KCNIP1: variants seen among roughly 807,000 people sequenced by gnomAD.
KCNIP1 encodes A-type potassium channel modulatory protein KCNIP1.
KCNIP1 carries 18 observed loss-of-function variants against 33.0 expected under a neutral mutation model. The observed-to-expected ratio is 0.55, with a 90% CI of 0.38 to 0.81. KCNIP1 has a LOEUF of 0.81. Ranked by LOEUF, KCNIP1 falls within the 30% of genes least tolerant of loss-of-function variation. The pLI is 0.00. For synonymous variants in KCNIP1, 93 were observed against 98.3 expected (o/e 0.95, Z 0.32); for missense variants, 238 against 271.6 (o/e 0.88, Z 0.87).
At chr5:170,640,020 C>T (rs1244446729) in intron 1 of KCNIP1, among the ~76,000 whole-genome samples, 2 of 152,216 alleles carry the variant, frequency 1.3e-5, no homozygotes, top group African/African-American at 4.8e-5. Flanking sequence ...CTTCATGGCC[C>T]AAGTGGAACC....
At chr5:170,386,338 G>A (rs370003312) in intron 1 of KCNIP1, among the ~76,000 whole-genome samples, 11 of 152,266 alleles carry the variant, frequency 7.2e-5, no homozygotes, top group African/African-American at 2.2e-4. Context: ...AAGCTGGCGG[G>A]GGCAAGGAAC....
At chr5:170,638,749 A>G (rs1190778615) in intron 1 of KCNIP1, among the ~76,000 whole-genome samples, 1 of 152,180 alleles carries the variant, frequency 6.6e-6, no homozygotes, top group Admixed American at 6.5e-5. Flanking sequence ...GTCTTCCTTC[A>G]GCTCCTAACA....
intron 1 of KCNIP1, among the ~76,000 whole-genome samples, chr5:170,600,986 C>G (rs753514560): frequency 3.5e-4 from 54 of 152,368 alleles, no homozygotes; most frequent in Non-Finnish European, 7.1e-4. Flanking sequence ...AATTCCAGCT[C>G]TCCCACTTAC....
chr5:170,722,514 C>CA (rs56741677), intron 4 of KCNIP1, among the ~76,000 whole-genome samples, 199 bp from the exon 5 acceptor site: 37,049 of 147,580 alleles, frequency 0.25, 5,735 homozygotes, highest in East Asian at 0.81. Flanking sequence ...GGGCACCTTG[C>CA]AAAAAAAAAC....
intron 1 of KCNIP1, among the ~76,000 whole-genome samples, chr5:170,668,884 C>A (rs1333744918): frequency 6.6e-6 from 1 of 152,206 alleles, no homozygotes; most frequent in African/African-American, 2.4e-5. Context: ...TTGCCACAAT[C>A]TCTGAAAGAA....
intron 1 of KCNIP1, among the ~76,000 whole-genome samples, chr5:170,367,069 A>G (rs960039220): frequency 5.9e-5 from 9 of 152,134 alleles, no homozygotes; most frequent in African/African-American, 2.2e-4. Flanking sequence ...CTGTAATCCC[A>G]ACACTTTGGG....
rs117260329 is a variant in KCNIP1, at chr5:170,402,696, G to A, written c.88+48732G>A. ...GACTAGTCATGTGGTCTGCCCAGCT[G>A]CAAGGGAGTCTGGGAAATGTAGCCC... On this transcript the variant is annotated intron_variant, in intron 1 of 7. Coordinates refer to the KCNIP1 transcript ENST00000377360. Among the ~76,000 whole-genome samples the A allele has an allele frequency of 3.0e-4, 46 of 152,312 alleles. No homozygotes were observed. In the East Asian group the frequency reaches 8.9e-3, roughly 29 times the overall value.
At chr5:170,403,763 C>T (rs931237116) in intron 1 of KCNIP1, among the ~76,000 whole-genome samples, 4 of 152,218 alleles carry the variant, frequency 2.6e-5, no homozygotes, top group African/African-American at 9.6e-5. Flanking sequence ...AAGAACCGAA[C>T]TATAGTTTGA....
At chr5:170,578,711 A>G (rs1173744801) in intron 1 of KCNIP1, among the ~76,000 whole-genome samples, 1 of 152,214 alleles carries the variant, frequency 6.6e-6, no homozygotes, top group East Asian at 1.9e-4. Flanking sequence ...ACAAACAAAT[A>G]TGTTTCAAAA....
Position 170,637,840 on chromosome 5 carries a change from A to C in KCNIP1, c.62-80918A>C, listed in dbSNP as rs147289578. On this transcript the variant is annotated intron_variant, in intron 1 of 7. Transcript: ENST00000328939. Reference sequence around the variant, plus strand: ...GATGCTGGGGCAGGCCGACTAGAAGAAGCAGACTATCTGCTTCTTCTCCAC... The same window carrying C: ...GATGCTGGGGCAGGCCGACTAGAAGCAGCAGACTATCTGCTTCTTCTCCAC... Among the ~76,000 whole-genome samples, 39 of 152,224 alleles carry C rather than the reference A, an allele frequency of 2.6e-4. No individual in the cohort carries two copies. In the East Asian group the frequency reaches 6.8e-3, roughly 26 times the overall value.
intron 5 of KCNIP1, among the ~76,000 whole-genome samples, chr5:170,731,593 G>T (rs10077762): frequency 0.039 from 5,899 of 151,842 alleles, 364 homozygotes; most frequent in African/African-American, 0.13. Flanking sequence ...TACTTGAGAG[G>T]CTGAGGCGGG....
At chr5:170,551,806 T>C (rs987510910) in intron 1 of KCNIP1, among the ~76,000 whole-genome samples, 1 of 151,838 alleles carries the variant, frequency 6.6e-6, no homozygotes, top group African/African-American at 2.4e-5. Context: ...AGTATGTGTG[T>C]GAATGTGAGT....
At chr5:170,643,933 T>C (rs943283806) in intron 1 of KCNIP1, among the ~76,000 whole-genome samples, 3 of 152,194 alleles carry the variant, frequency 2.0e-5, no homozygotes, top group Non-Finnish European at 4.4e-5. Context: ...AAGTGAGTTA[T>C]ACACGTTCCT....
chr5:170,623,713 T>C (rs1581411036), intron 1 of KCNIP1, among the ~76,000 whole-genome samples: 2 of 152,318 alleles, frequency 1.3e-5, no homozygotes, highest in East Asian at 3.9e-4. Context: ...AATGGGCTTA[T>C]CAAGGCTCTG....
At chr5:170,654,075 T>C (rs1761164956) in intron 1 of KCNIP1, among the ~76,000 whole-genome samples, 1 of 152,094 alleles carries the variant, frequency 6.6e-6, no homozygotes, top group Non-Finnish European at 1.5e-5. Context: ...CACTCCCTCC[T>C]CTCATTCTGA....
At chr5:170,674,079 T>C (rs1254900454) in intron 1 of KCNIP1, among the ~76,000 whole-genome samples, 2 of 150,214 alleles carry the variant, frequency 1.3e-5, no homozygotes, top group East Asian at 4.0e-4. Context: ...CTGGGCATTG[T>C]AGGGGATTTA....
At chr5:170,444,775 G>A (rs17072667) in intron 1 of KCNIP1, among the ~76,000 whole-genome samples, 20,904 of 151,590 alleles carry the variant, frequency 0.14, 1,531 homozygotes, top group East Asian at 0.27. Context: ...GAAGATCTGC[G>A]GGCAAGGATA....
upstream of KCNIP1, among the ~76,000 whole-genome samples, chr5:170,500,659 C>T (rs943675276): frequency 1.1e-4 from 17 of 152,202 alleles, no homozygotes; most frequent in African/African-American, 4.1e-4. Flanking sequence ...CTCACACTTA[C>T]CTGTGTTCTT....
chr5:170,432,773 C>A (rs891939717), intron 1 of KCNIP1, among the ~76,000 whole-genome samples: 2 of 152,164 alleles, frequency 1.3e-5, no homozygotes, highest in Non-Finnish European at 2.9e-5. Context: ...CTCGCTACAA[C>A]CTTCTGAGGT....
Sources: allele counts gnomAD v4.1 joint callset (sites outside exome capture counted in the v4.1 genomes callset), GRCh38; gene constraint gnomAD v4.1.1; transcripts MANE v1.5; gene names NCBI Gene and HGNC (gene_info 2026-07-23, HGNC 2026-07-21).